Variants in ANXA10 observed in about 807,000 individuals in gnomAD.
The protein encoded by ANXA10 is annexin 14.
A neutral mutation model predicts 53.5 loss-of-function variants in ANXA10; 49 were observed. The ratio of observed to expected loss-of-function variants is 0.92; its 90% CI spans 0.73 to 1.16. The LOEUF (loss-of-function observed/expected upper bound fraction) is 1.16, where lower values mean the gene tolerates loss of function less well. Ranked by LOEUF, ANXA10 falls within the 50% of genes most tolerant of loss-of-function variation. The pLI is 0.00. For missense variants in ANXA10, 393 were observed against 394.4 expected (o/e 1.00, Z 0.03); for synonymous variants, 131 against 128.9 (o/e 1.02, Z -0.11).
chr4:168,156,264 A>ATATATTATAT (rs1731672471), intron 3 of ANXA10, among the ~76,000 whole-genome samples: 1 of 33,368 alleles, frequency 3.0e-5, no homozygotes, highest in Non-Finnish European at 5.3e-5. Flanking sequence ...TATATAATGT[A>ATATATTATAT]TATATTATAT....
In ANXA10 at chr4:168,165,263, C is replaced by G; in HGVS notation, c.417C>G (p.Leu139=). 6.3e-7 allele frequency: 1 copy of G among 1,589,788 alleles called. No homozygotes were observed. The highest frequency in any genetic ancestry group is 8.6e-7 in the Non-Finnish European group (1 of 1,163,008). The stretch of plus-strand genomic sequence containing the variant: ...CTTATACAGAATACAGCAATAACCT[C>G]CAAGAGGACATTTATTCAGAGACCT... ...EAYCLQYSNN[L]QEDIYSETSG... is the part of the protein sequence containing the mutation. The change falls in exon 6 of 12, where the codon CTC becomes CTG. Residue 139 remains leucine (L), a synonymous_variant. Transcript: ENST00000359299.
intron 1 of ANXA10, among the ~76,000 whole-genome samples, chr4:168,120,448 C>G (rs916208265): frequency 5.9e-5 from 9 of 151,876 alleles, no homozygotes; most frequent in Non-Finnish European, 1.2e-4. Context: ...ATTAACACTT[C>G]AGGAACAAAA....
chr4:168,172,816 T>C (rs867127831), intron 6 of ANXA10, among the ~76,000 whole-genome samples: 1 of 142,882 alleles, frequency 7.0e-6, no homozygotes, highest in Non-Finnish European at 1.5e-5. Context: ...TGAGACAGAG[T>C]TTTGCTCTTG....
Position 168,168,541 on chromosome 4 carries a change from T to C in ANXA10, c.480+3215T>C, listed in dbSNP as rs190992582. On this transcript the variant is annotated intron_variant, in intron 6 of 11. Transcript: ENST00000359299. ...TTCAAGTGATTCTCCTACCTCAGCC[T>C]CCCGAGTAGCTGGGATTACAGGCAC... 3.0e-3 allele frequency among the ~76,000 whole-genome samples: 458 copies of C among 152,182 alleles called. 2 individuals are homozygous for C. Among genetic ancestry groups the C allele is most frequent in the Middle Eastern group, 0.01 (3 of 294 alleles).
chr4:168,096,917 T>TATATATATAG (rs1428556039), intron 1 of ANXA10, among the ~76,000 whole-genome samples: 1 of 141,710 alleles, frequency 7.1e-6, no homozygotes, highest in African/African-American at 2.7e-5. Flanking sequence ...AATGCATATA[T>TATATATATAG]ATATATATAT....
At chr4:168,152,813 A>G (rs1731520110) in intron 3 of ANXA10, among the ~76,000 whole-genome samples, 1 of 148,622 alleles carries the variant, frequency 6.7e-6, no homozygotes, top group African/African-American at 2.4e-5. Flanking sequence ...TATTTAATAT[A>G]TAAATAATAT....
In ANXA10 at chr4:168,177,947, A is replaced by G; in HGVS notation, c.592A>G (p.Ile198Val). 1 of 1,613,918 alleles carries G rather than the reference A, an allele frequency of 6.2e-7. No homozygotes were observed. Among genetic ancestry groups the G allele is most frequent in the Non-Finnish European group, 8.5e-7 (1 of 1,180,034 alleles). The change falls in exon 8 of 12, where the codon ATC (isoleucine) becomes GTC (valine). Residue 198 changes from isoleucine (I) to valine (V), a missense_variant. Ile to Val is a conservative substitution (Grantham distance 29). Transcript: ENST00000359299. ...GGAGCACAAAACCATGCTGCAAATG[A>G]TCCTGTGCAACAAGAGCTACCAGCA... ...TGEHKTMLQM[I>V]LCNKSYQQLR...
chr4:168,145,662 T>C (rs995209162), intron 3 of ANXA10, among the ~76,000 whole-genome samples: 12 of 152,164 alleles, frequency 7.9e-5, no homozygotes, highest in African/African-American at 2.4e-4. Context: ...AAGGTCAGAG[T>C]GAAATCCCAA....
At chr4:168,139,727 T>C in intron 3 of ANXA10, 147 bp downstream of exon 3, 1 of 523,324 alleles carries the variant, frequency 1.9e-6, no homozygotes, top group Non-Finnish European at 3.4e-6. Context: ...ATATTCCTCT[T>C]ACATGTTTCA....
intron 2 of ANXA10, among the ~76,000 whole-genome samples, chr4:168,137,681 T>C (rs907320874): frequency 3.2e-4 from 49 of 152,208 alleles, no homozygotes; most frequent in Non-Finnish European, 7.1e-4. Context: ...TATCCAATCA[T>C]CTGTTGATAG....
rs1279052950 is a variant in ANXA10 at position 168,162,972 on chromosome 4, ATAT to A, written c.309+333_309+335del. Among the ~76,000 whole-genome samples, 10 of 152,194 alleles carry A rather than the reference ATAT, an allele frequency of 6.6e-5. No homozygotes were observed. In the East Asian group the frequency reaches 1.9e-3, roughly 29 times the overall value. The stretch of plus-strand genomic sequence containing the variant: ...GATTTGTCCCTGAGCATGTATTCCT[ATAT>A]TGAGGATAATGTATTAAAAATGATG... On this transcript the variant is annotated intron_variant, in intron 4 of 11. Transcript: ENST00000359299.
At chr4:168,166,731 C>G (rs2149478027) in intron 6 of ANXA10, among the ~76,000 whole-genome samples, 1 of 150,288 alleles carries the variant, frequency 6.7e-6, no homozygotes, top group African/African-American at 2.4e-5. Flanking sequence ...CTTTACACAT[C>G]AAAGGCATAG....
At chr4:168,142,784 C>T (rs1295388601) in intron 3 of ANXA10, among the ~76,000 whole-genome samples, 1 of 152,180 alleles carries the variant, frequency 6.6e-6, no homozygotes, top group Non-Finnish European at 1.5e-5. Context: ...TTGACTGCTC[C>T]TGTAAACTTT....
At chr4:168,110,202 G>T (rs980930030) in intron 1 of ANXA10, among the ~76,000 whole-genome samples, 2 of 152,046 alleles carry the variant, frequency 1.3e-5, no homozygotes, top group Non-Finnish European at 2.9e-5. Context: ...GACAGAGCGA[G>T]ACTCCTTCTC....
intron 1 of ANXA10, 63 bp downstream of exon 1, chr4:168,092,781 C>A (rs1238473439): frequency 2.1e-6 from 3 of 1,421,684 alleles, no homozygotes; most frequent in African/African-American, 1.5e-5. Flanking sequence ...TATAAAATTT[C>A]ATTTGTGTTT....
chr4:168,153,996 A>ACACG (rs1385270886), intron 3 of ANXA10, among the ~76,000 whole-genome samples: 4 of 151,262 alleles, frequency 2.6e-5, no homozygotes, highest in Admixed American at 1.3e-4. Flanking sequence ...ACACACACAC[A>ACACG]CACACACGCA....
At chr4:168,130,310 G>C (rs763668260) in intron 2 of ANXA10, among the ~76,000 whole-genome samples, 1 of 151,990 alleles carries the variant, frequency 6.6e-6, no homozygotes, top group African/African-American at 2.4e-5. Flanking sequence ...TGCATATCTG[G>C]AATAAATCCC....
chr4:168,123,607 C>A (rs1051138500), intron 1 of ANXA10, among the ~76,000 whole-genome samples: 1 of 152,146 alleles, frequency 6.6e-6, no homozygotes, highest in Admixed American at 6.5e-5. Flanking sequence ...GCAAGATTCT[C>A]ATTACAATTG....
intron 1 of ANXA10, among the ~76,000 whole-genome samples, chr4:168,094,220 A>T (rs899419353): frequency 4.6e-5 from 7 of 152,144 alleles, no homozygotes; most frequent in African/African-American, 7.2e-5. Context: ...GATTTTTTTT[A>T]AATGCAATTA....
Sources: allele counts gnomAD v4.1 joint callset (sites outside exome capture counted in the v4.1 genomes callset), GRCh38; gene constraint gnomAD v4.1.1; transcripts MANE v1.5; gene names NCBI Gene and HGNC (gene_info 2026-07-23, HGNC 2026-07-21).